The following HS3ST4 variants were observed in gnomAD, a reference collection of about 807,000 sequenced individuals.
HS3ST4 encodes heparan sulfate-glucosamine 3-sulfotransferase 4.
Under a neutral mutation model 29.2 loss-of-function variants are expected in HS3ST4, and 17 were observed. The ratio of observed to expected loss-of-function variants is 0.58; its 90% confidence interval spans 0.40 to 0.87. The LOEUF (loss-of-function observed/expected upper bound fraction) is 0.87, where lower values mean the gene tolerates loss of function less well. HS3ST4 is among the 40% of genes least tolerant of loss of function. The pLI, the probability that HS3ST4 is intolerant of heterozygous loss-of-function variation, is 0.00. For missense variants in HS3ST4, 627 were observed against 634.5 expected (o/e 0.99, Z 0.13); for synonymous variants, 314 against 285.7 (o/e 1.10, Z -1.00).
rs1898295704 is a variant in HS3ST4 at position 26,137,205 on chromosome 16, G to A, written c.*957G>A. ...TAGTTCTGAGCATGTTTTTGGGGTG[G>A]ACTCTGTCCCCTAGGGTCCCTAGAA... On this transcript the variant is annotated 3_prime_UTR_variant, in exon 2 of 2. Coordinates refer to ENST00000331351, the MANE Select transcript of HS3ST4 (RefSeq NM_006040.3). 6.6e-6 allele frequency: 1 copy of A among 152,104 alleles called. No homozygotes were observed. Among genetic ancestry groups the A allele is most frequent in the Admixed American group, 6.5e-5 (1 of 15,278 alleles). 9.4% of individuals were successfully genotyped at this position (152,104 alleles called of 1,614,324 possible).
At chr16:25,888,284 C>T (rs973290334) in intron 1 of HS3ST4, among the ~76,000 whole-genome samples, 10 of 152,138 alleles carry the variant, frequency 6.6e-5, no homozygotes, top group African/African-American at 4.8e-5. Flanking sequence ...GGAATGAAAA[C>T]GTCCGGTTGA....
At chr16:26,129,077 TC>T (rs1899384318) in intron 1 of HS3ST4, among the ~76,000 whole-genome samples, 1 of 152,190 alleles carries the variant, frequency 6.6e-6, no homozygotes, top group Non-Finnish European at 1.5e-5. Context: ...TTATATCTAA[TC>T]CGGGTGATTG....
At chr16:26,052,589 T>G (rs1012824042) in intron 1 of HS3ST4, among the ~76,000 whole-genome samples, 44 of 152,326 alleles carry the variant, frequency 2.9e-4, no homozygotes, top group African/African-American at 1.0e-3. Context: ...CAGGCTGGTC[T>G]TGAACTCTTG....
Position 25,987,140 on chromosome 16 carries a change from C to T in HS3ST4, c.735-148472C>T, listed in dbSNP as rs535368362. On this transcript the variant is annotated intron_variant, in intron 1 of 1. Transcript: ENST00000331351. ...CCGAGGTGGGTGGATCACCTGAGGT[C>T]GGGAGTTCGAAACCAGCCTGACCAA... 5.9e-5 allele frequency among the ~76,000 whole-genome samples: 9 copies of T among 152,182 alleles called. 1 individual carries two copies. The highest frequency in any genetic ancestry group is 2.0e-4 in the Admixed American group (3 of 15,284).
At chr16:25,794,534 C>G (rs991827531) in intron 1 of HS3ST4, among the ~76,000 whole-genome samples, 3 of 151,942 alleles carry the variant, frequency 2.0e-5, no homozygotes, top group Non-Finnish European at 2.9e-5. Context: ...TCTTTCCCAC[C>G]ACTTTAAAGA....
At chr16:25,886,494 A>G (rs190860979) in intron 1 of HS3ST4, among the ~76,000 whole-genome samples, 3 of 152,312 alleles carry the variant, frequency 2.0e-5, no homozygotes, top group Non-Finnish European at 4.4e-5. Context: ...AGTTATCATC[A>G]GTCCTGGCTT....
chr16:25,920,882 T>C (rs1286180408), intron 1 of HS3ST4, among the ~76,000 whole-genome samples: 1 of 152,104 alleles, frequency 6.6e-6, no homozygotes, highest in Non-Finnish European at 1.5e-5. Flanking sequence ...CCTCCCAAAA[T>C]GCTGGGATTA....
At chr16:25,702,893 G>A (rs760489880) in intron 1 of HS3ST4, among the ~76,000 whole-genome samples, 4 of 152,058 alleles carry the variant, frequency 2.6e-5, no homozygotes, top group Non-Finnish European at 5.9e-5. Context: ...GAGCACGATG[G>A]CTCACAACTG....
chr16:25,718,921 G>A (rs967643970), intron 1 of HS3ST4, among the ~76,000 whole-genome samples: 4 of 152,166 alleles, frequency 2.6e-5, no homozygotes, highest in Non-Finnish European at 4.4e-5. Context: ...AATATAGAAA[G>A]ATGAGCTTGT....
intron 1 of HS3ST4, among the ~76,000 whole-genome samples, chr16:25,815,013 T>C (rs1183045924): frequency 6.6e-6 from 1 of 152,216 alleles, no homozygotes; most frequent in African/African-American, 2.4e-5. Flanking sequence ...TTTGCTGGAT[T>C]GAACCTGATG....
intron 1 of HS3ST4, among the ~76,000 whole-genome samples, chr16:25,807,558 T>C (rs1429863918): frequency 6.6e-6 from 1 of 152,222 alleles, no homozygotes; most frequent in Non-Finnish European, 1.5e-5. Context: ...TAAACATTCA[T>C]CTGTTGAAAG....
At chr16:25,806,602 A>AT (rs528120632) in intron 1 of HS3ST4, among the ~76,000 whole-genome samples, 77 of 151,986 alleles carry the variant, frequency 5.1e-4, no homozygotes, top group African/African-American at 1.6e-3. Flanking sequence ...TCTTTTGCTC[A>AT]TTTTTTTTAA....
At chr16:26,014,413 G>C (rs1969343274) in intron 1 of HS3ST4, among the ~76,000 whole-genome samples, 1 of 152,146 alleles carries the variant, frequency 6.6e-6, no homozygotes, top group African/African-American at 2.4e-5. Context: ...AGTGTTAGGA[G>C]GTTTGGTGTT....
At position 25,775,444 on chromosome 16, in the gene HS3ST4, T is replaced by C. The variant is rs372309618; in HGVS notation, c.734+82293T>C. 4.6e-5 allele frequency among the ~76,000 whole-genome samples: 7 copies of C among 152,316 alleles called. No individual in the cohort carries two copies. The East Asian group carries it at 9.7e-4, about 21-fold the overall frequency. Reference sequence around the variant, plus strand: ...AGCCCTTCCTGTGCCAATTCGAGCATCTCACCTAACCACTTGTTGGCCCGT... The same window carrying C: ...AGCCCTTCCTGTGCCAATTCGAGCACCTCACCTAACCACTTGTTGGCCCGT... On this transcript the variant is annotated intron_variant, in intron 1 of 1. Transcript: ENST00000331351.
chr16:26,040,167 C>T (rs1969622770), intron 1 of HS3ST4, among the ~76,000 whole-genome samples: 1 of 151,986 alleles, frequency 6.6e-6, no homozygotes, highest in East Asian at 1.9e-4. Flanking sequence ...TTTTTTATTT[C>T]TCTGATTATT....
At chr16:26,114,230 C>T (rs1350466467) in intron 1 of HS3ST4, among the ~76,000 whole-genome samples, 3 of 152,190 alleles carry the variant, frequency 2.0e-5, no homozygotes, top group African/African-American at 7.2e-5. Flanking sequence ...CAGGGATCCA[C>T]AGGGCATAGC....
intron 1 of HS3ST4, among the ~76,000 whole-genome samples, chr16:26,074,855 G>C (rs1367486273): frequency 6.6e-6 from 1 of 152,042 alleles, no homozygotes; most frequent in African/African-American, 2.4e-5. Context: ...TTTCACTTTG[G>C]GGGGTGCCTG....
chr16:25,850,125 G>T (rs34723104), intron 1 of HS3ST4, among the ~76,000 whole-genome samples: 25,073 of 151,116 alleles, frequency 0.17, 2,953 homozygotes, highest in Non-Finnish European at 0.25. Context: ...TCAGTCTCTC[G>T]AGTAGCTGGG....
intron 1 of HS3ST4, among the ~76,000 whole-genome samples, chr16:25,812,127 G>A (rs1415775297): frequency 6.6e-6 from 1 of 152,142 alleles, no homozygotes; most frequent in African/African-American, 2.4e-5. Flanking sequence ...ATGAGATATT[G>A]TCAAAATACA....
Sources: allele counts gnomAD v4.1 joint callset (sites outside exome capture counted in the v4.1 genomes callset), GRCh38; gene constraint gnomAD v4.1.1; transcripts MANE v1.5; gene names NCBI Gene and HGNC (gene_info 2026-07-23, HGNC 2026-07-21).